TCF20: variants seen among roughly 807,000 people sequenced by gnomAD.
TCF20 encodes transcription factor 20, also known as SPRE-binding protein.
Under a neutral mutation model 148.6 loss-of-function variants are expected in TCF20, and 3 were observed. That is an observed-to-expected ratio of 0.02 (90% CI 0.01 to 0.05). The LOEUF (loss-of-function observed/expected upper bound fraction) is 0.05. Among genes scored for constraint, TCF20 ranks in the 10% least tolerant of loss-of-function variants. TCF20 has a pLI of 1.00. For missense variants in TCF20, 2,350 were observed against 2,429.3 expected (o/e 0.97, Z 0.69); for synonymous variants, 1,049 against 909.5 (o/e 1.15, Z -2.76).
intron 1 of TCF20, among the ~76,000 whole-genome samples, chr22:42,237,299 C>G (rs1923974083): frequency 6.6e-6 from 1 of 152,198 alleles, no homozygotes; most frequent in Non-Finnish European, 1.5e-5. Context: ...CAATAAATCA[C>G]TTTCTTTGCT....
At chr22:42,296,234 C>A (rs529462822) in intron 1 of TCF20, among the ~76,000 whole-genome samples, 1 of 152,198 alleles carries the variant, frequency 6.6e-6, no homozygotes, top group South Asian at 2.1e-4. Context: ...CAGGCCTCAG[C>A]GAACGGGATG....
intron 1 of TCF20, among the ~76,000 whole-genome samples, chr22:42,296,578 A>C (rs773545946): frequency 1.3e-5 from 2 of 152,044 alleles, no homozygotes; most frequent in Non-Finnish European, 2.9e-5. Flanking sequence ...CCGGGATGCC[A>C]GCCAGCCAGA....
At chr22:42,167,496 T>G (rs1025844706) in intron 5 of TCF20, among the ~76,000 whole-genome samples, 1 of 152,042 alleles carries the variant, frequency 6.6e-6, no homozygotes, top group African/African-American at 2.4e-5. Flanking sequence ...CCCCATCCTG[T>G]AGCAGCAAGT....
chr22:42,278,257 GA>G (rs1352602458), intron 1 of TCF20: 2 of 152,168 alleles, frequency 1.3e-5, no homozygotes, highest in Non-Finnish European at 2.9e-5. Context: ...TGTTTCACAG[GA>G]GCAGTTTCAT....
chr22:42,305,073 T>C (rs945222803), intron 1 of TCF20, among the ~76,000 whole-genome samples: 2 of 151,968 alleles, frequency 1.3e-5, no homozygotes, highest in African/African-American at 2.4e-5. Flanking sequence ...TGGTCGCCCA[T>C]GGGAGAGAGA....
intron 1 of TCF20, among the ~76,000 whole-genome samples, chr22:42,341,988 G>T (rs1432156197): frequency 6.6e-6 from 1 of 152,132 alleles, no homozygotes; most frequent in Non-Finnish European, 1.5e-5. Flanking sequence ...GAGGGGATGT[G>T]TGGGGAAGAG....
rs1371041147 is a variant in TCF20 at position 42,210,128 on chromosome 22, G to T, written c.5178C>A (p.Pro1726=). 1.2e-6 allele frequency: 2 copies of T among 1,614,122 alleles called. No homozygotes were observed. Among genetic ancestry groups the T allele is most frequent in the Non-Finnish European group, 1.7e-6 (2 of 1,180,026 alleles). ...TCGGGAGAGTGGCTGCATAATCTTG[G>T]GGATAAAAAGGTCCAAAGAGGTCAC... The part of the protein sequence containing the change: ...NMGDLFGPFY[P]QDYAATLPKN... Residue 1726 remains proline (P), a synonymous_variant, in exon 2 of 6, where the codon CCC becomes CCA. Coordinates refer to ENST00000677622, the MANE Select transcript of TCF20 (RefSeq NM_001378418.1). The surrounding 1 kb of genome is among the most constrained non-coding windows in gnomAD (Gnocchi z 4.7).
At position 42,211,156 on chromosome 22, in the gene TCF20, C is replaced by T; in HGVS notation, c.4150G>A (p.Asp1384Asn). ...GGACCACTCTTCAAAGACAGTATAT[C>T]ATCAAGCGTAACCGTGTCTCCCCCA... ...EAGGDTVTLD[D>N]ILSLKSGPPE... is the part of the protein sequence containing the mutation. The change falls in exon 2 of 6, where the codon GAT becomes AAT. Residue 1384 changes from aspartate (D) to asparagine (N), a missense_variant. By Grantham distance (23) the Asp-to-Asn change is conservative (BLOSUM62 1). Around this residue, in one of 7 missense-constraint regions of TCF20, gnomAD observed 231 missense variants for 213.7 expected, o/e 1.08. Coordinates refer to ENST00000677622, the MANE Select transcript of TCF20 (RefSeq NM_001378418.1). 1 of 1,614,210 alleles carries T rather than the reference C, an allele frequency of 6.2e-7. No individual in the cohort carries two copies. The highest frequency in any genetic ancestry group is 1.3e-5 in the African/African-American group (1 of 75,058).
At position 42,210,149 on chromosome 22, in the gene TCF20, G is replaced by A; in HGVS notation, c.5157C>T (p.Asp1719=). The change falls in exon 2 of 6, where the codon GAC becomes GAT. Residue 1719 remains aspartate, a synonymous_variant. Coordinates refer to ENST00000677622, the MANE Select transcript of TCF20 (RefSeq NM_001378418.1). This position sits in a 1 kb window ranked among gnomAD's most constrained non-coding sequence, Gnocchi z 4.7. The stretch of plus-strand genomic sequence containing the variant: ...CTTGGGGATAAAAAGGTCCAAAGAG[G>A]TCACCCATGTTCCGGTAACTGGCCC... ...GKWASYRNMG[D]LFGPFYPQDY... 4 of 1,614,152 alleles carry A rather than the reference G, an allele frequency of 2.5e-6. No individual in the cohort carries two copies. The highest frequency in any genetic ancestry group is 3.4e-6 in the Non-Finnish European group (4 of 1,180,020).
chr22:42,265,953 G>A (rs900366642), intron 1 of TCF20, among the ~76,000 whole-genome samples: 3 of 152,094 alleles, frequency 2.0e-5, no homozygotes, highest in African/African-American at 7.2e-5. Context: ...TGGCAAAACT[G>A]ACCAAGTATG....
At chr22:42,206,501 G>A (rs915652660) in intron 2 of TCF20, among the ~76,000 whole-genome samples, 2 of 152,284 alleles carry the variant, frequency 1.3e-5, no homozygotes, top group African/African-American at 4.8e-5. Context: ...ATGATTAACG[G>A]ATTATTTTGA....
At chr22:42,260,801 T>C (rs1601674549) in intron 1 of TCF20, among the ~76,000 whole-genome samples, 1 of 152,256 alleles carries the variant, frequency 6.6e-6, no homozygotes, top group East Asian at 1.9e-4. Flanking sequence ...ATGTTTTGAA[T>C]ATAACGCGAA....
intron 1 of TCF20, among the ~76,000 whole-genome samples, chr22:42,316,069 C>T (rs1927624416): frequency 7.0e-6 from 1 of 142,602 alleles, no homozygotes; most frequent in South Asian, 2.3e-4. Flanking sequence ...GATCGCGCCA[C>T]TGCACTCCAG....
intron 1 of TCF20, among the ~76,000 whole-genome samples, chr22:42,293,063 G>A (rs944195802): frequency 6.6e-6 from 1 of 152,108 alleles, no homozygotes; most frequent in Non-Finnish European, 1.5e-5. Flanking sequence ...GCTCCCAGCA[G>A]GAGGCCTCCT....
intron 1 of TCF20, among the ~76,000 whole-genome samples, chr22:42,318,519 A>G (rs1224913781): frequency 6.6e-6 from 1 of 152,176 alleles, no homozygotes; most frequent in Non-Finnish European, 1.5e-5. Flanking sequence ...AGCTTTCCTC[A>G]TTAAGACGAA....
intron 2 of TCF20, among the ~76,000 whole-genome samples, chr22:42,204,718 G>A (rs1938273158): frequency 6.6e-6 from 1 of 151,750 alleles, no homozygotes; most frequent in Non-Finnish European, 1.5e-5. Context: ...GGTGGTGCAT[G>A]ACTGCAGTCC....
chr22:42,280,070 A>G (rs1307775453), intron 1 of TCF20, among the ~76,000 whole-genome samples: 1 of 152,222 alleles, frequency 6.6e-6, no homozygotes, highest in African/African-American at 2.4e-5. Flanking sequence ...GAGGTCACTC[A>G]TCTGTGGGCT....
At chr22:42,256,173 G>A (rs1925731804) in intron 1 of TCF20, among the ~76,000 whole-genome samples, 1 of 152,020 alleles carries the variant, frequency 6.6e-6, no homozygotes, top group Non-Finnish European at 1.5e-5. Context: ...GTTCTCCCCA[G>A]CACTCCAGCT....
At position 42,167,588 on chromosome 22, in the gene TCF20, C is replaced by G. The variant is rs138299647; in HGVS notation, c.*44+1021G>C. 2.0e-4 allele frequency among the ~76,000 whole-genome samples: 30 copies of G among 152,302 alleles called. No individual in the cohort carries two copies. In the East Asian group the frequency reaches 5.6e-3, roughly 28 times the overall value. Reference sequence around the variant, plus strand: ...CAGTGACGCAGGGAGGGTGAAGGAGCAGCATGGAGCTCAGAGGCCTGCAGC... The same window carrying G: ...CAGTGACGCAGGGAGGGTGAAGGAGGAGCATGGAGCTCAGAGGCCTGCAGC... On this transcript the variant is annotated intron_variant, in intron 5 of 5. Coordinates refer to ENST00000677622, the MANE Select transcript of TCF20 (RefSeq NM_001378418.1).
Sources: gnomAD v4.1 joint callset for allele counts (sites outside exome capture counted in the v4.1 genomes callset) on GRCh38, gnomAD v4.1.1 for gene constraint, gnomAD v4.1.1 regional missense constraint, Gnocchi (gnomAD v3.1) non-coding constraint, MANE v1.5 for transcripts, NCBI Gene and HGNC (gene_info 2026-07-23, HGNC 2026-07-21) for gene names.